Variants in USP31 observed in about 807,000 individuals in gnomAD.
USP31 encodes ubiquitin carboxyl-terminal hydrolase 31.
In USP31, 44 loss-of-function variants were observed where a neutral mutation model predicts 119.4. The observed-to-expected ratio is 0.37, with a 90% CI of 0.29 to 0.47. USP31 has a LOEUF of 0.47. Among genes scored for constraint, USP31 ranks in the 20% least tolerant of loss-of-function variants. The pLI is 0.99. For synonymous variants in USP31, 749 were observed against 705.6 expected (o/e 1.06, Z -0.97); for missense variants, 1,643 against 1,730.2 (o/e 0.95, Z 0.89).
Position 23,064,092 on chromosome 16 carries a change from C to T in USP31, c.*3954G>A, listed in dbSNP as rs1378709386. ...CAGCAAAGTTTGCCTTTCTCAACTA[C>T]AAATAATACAAAGTTCCACGCACCT... On this transcript the variant is annotated 3_prime_UTR_variant, in exon 16 of 16. Transcript: ENST00000219689. The T allele has an allele frequency of 6.6e-6, 1 of 152,622 alleles. No homozygotes were observed. The highest frequency in any genetic ancestry group is 1.5e-5 in the Non-Finnish European group (1 of 68,028). The allele number at this position is 152,622 out of a possible 1,614,324, so 9.5% of individuals were successfully genotyped here. A position where few individuals can be genotyped will look rare whatever the true frequency, so the allele number is the denominator to read the frequency against.
intron 8 of USP31, 33 bp from the exon 9 acceptor site, chr16:23,087,219 AT>A: frequency 1.9e-6 from 3 of 1,595,962 alleles, no homozygotes; most frequent in African/African-American, 1.3e-5. Flanking sequence ...ATTAAGCCAA[AT>A]TTTTCTTCAA....
In USP31 at chr16:23,102,395, T is replaced by C. The variant is rs768536030; in HGVS notation, c.1158A>G (p.Thr386=). The C allele has an allele frequency of 6.2e-7, 1 of 1,613,962 alleles. No individual in the cohort carries two copies. The highest frequency in any genetic ancestry group is 8.5e-7 in the Non-Finnish European group (1 of 1,179,872). ...RSFCDTDDLE[T]VHESDCIFAF... is the part of the protein sequence containing the mutation. ...CAAAAATGCAGTCGCTTTCATGGAC[T>C]GTTTCCAGGTCGTCTGTATCACAAA... Residue 386 remains threonine, a synonymous_variant, in exon 6 of 16, where the codon ACA becomes ACG. Transcript: ENST00000219689.
Position 23,065,021 on chromosome 16 carries a change from C to G in USP31, c.*3025G>C. ...ATGGTCTAAGATGACTGGAGCCTAA[C>G]GGTTTGAGTTTCCACATTATCTAAG... On this transcript the variant is annotated 3_prime_UTR_variant, in exon 16 of 16. Transcript: ENST00000219689. The G allele has an allele frequency of 1.3e-5, 2 of 152,230 alleles. No homozygotes were observed. Among genetic ancestry groups the G allele is most frequent in the Admixed American group, 1.3e-4 (2 of 15,296 alleles). The allele number at this position is 152,230 out of a possible 1,614,324, so 9.4% of individuals were successfully genotyped here.
chr16:23,122,434 T>C (rs1032174037), intron 1 of USP31, among the ~76,000 whole-genome samples: 1 of 152,166 alleles, frequency 6.6e-6, no homozygotes, highest in African/African-American at 2.4e-5. Context: ...ACAGTTACCA[T>C]ATGACCCAGC....
intron 9 of USP31, 102 bp from the exon 10 acceptor site, chr16:23,085,764 G>T: frequency 9.4e-7 from 1 of 1,066,350 alleles, no homozygotes; most frequent in Non-Finnish European, 1.4e-6. Flanking sequence ...AATTTCAGGT[G>T]ATTAATGAAA....
At chr16:23,138,220 T>C (rs900281121) in intron 1 of USP31, among the ~76,000 whole-genome samples, 7 of 152,236 alleles carry the variant, frequency 4.6e-5, no homozygotes, top group African/African-American at 9.6e-5. Flanking sequence ...TGGAGTGTTA[T>C]AACAAATAGA....
At position 23,067,911 on chromosome 16, in the gene USP31, A is replaced by T. The variant is rs905057716; in HGVS notation, c.*135T>A. 3.8e-6 allele frequency: 4 copies of T among 1,047,354 alleles called. No homozygotes were observed. Among genetic ancestry groups the T allele is most frequent in the Non-Finnish European group, 5.4e-6 (4 of 746,144 alleles). The allele number at this position is 1,047,354 out of a possible 1,614,324, so 64.9% of individuals were successfully genotyped here. A position where few individuals can be genotyped will look rare whatever the true frequency, so the allele number is the denominator to read the frequency against. On this transcript the variant is annotated 3_prime_UTR_variant, in exon 16 of 16. Transcript: ENST00000219689. ...TTGAATTAGACACACACACGCATACACTCACACACACACACACAGTCGGGC... is the reference window on the plus strand; with the variant it reads ...TTGAATTAGACACACACACGCATACTCTCACACACACACACACAGTCGGGC...
At chr16:23,092,217 C>T (rs1002309291) in intron 6 of USP31, among the ~76,000 whole-genome samples, 2 of 152,176 alleles carry the variant, frequency 1.3e-5, no homozygotes, top group African/African-American at 4.8e-5. Context: ...CTAACGCAGA[C>T]TCAATAAGGC....
At chr16:23,082,609 T>TTA (rs1163343658) in intron 11 of USP31, 52 bp from the exon 12 acceptor site, 1 of 1,610,898 alleles carries the variant, frequency 6.2e-7, no homozygotes, top group Admixed American at 1.7e-5. Flanking sequence ...CAAGACTGTG[T>TTA]TACAGCTGGA....
chr16:23,068,431 C>A lies in USP31; in HGVS notation c.3674G>T (p.Gly1225Val), dbSNP rs756936297. 2 of 1,613,746 alleles carry A rather than the reference C, an allele frequency of 1.2e-6. No individual in the cohort carries two copies. The highest frequency in any genetic ancestry group is 3.3e-5 in the Admixed American group (2 of 60,026). ...CAAGGCTGATTTGAAGAAGGACAGC[C>A]CCTTGTCCTCAGACTTGCTGTCCCT... ...LKRDSKSEDKGLSFFKSALRQ... is the reference protein window; with the variant it reads ...LKRDSKSEDKVLSFFKSALRQ... Residue 1225 changes from glycine to valine, a missense_variant, in exon 16 of 16, where the codon GGG (glycine) becomes GTG (valine). By Grantham distance (109) the Gly-to-Val change is moderately radical. Around this residue, in one of 5 missense-constraint regions of USP31, gnomAD observed 699 missense variants for 650.9 expected, o/e 1.07. Transcript: ENST00000219689.
chr16:23,074,709 C>A (rs1249219182), intron 13 of USP31, among the ~76,000 whole-genome samples: 3 of 152,140 alleles, frequency 2.0e-5, no homozygotes, highest in Non-Finnish European at 4.4e-5. Context: ...AGCTCATGAA[C>A]GCAGGAGGAC....
rs1406441617 is a variant in USP31, at chr16:23,149,122, G to C, written c.149C>G (p.Ser50Cys). The change falls in exon 1 of 16, where the codon TCC becomes TGC. Residue 50 changes from serine to cysteine, a missense_variant. This residue lies in a region of USP31 where 302 missense variants were observed against 262.6 expected (regional missense o/e 1.15). Coordinates refer to ENST00000219689, the MANE Select transcript of USP31 (RefSeq NM_020718.4). ...TGCAGAGGAGGGCGAGGAGGGCGAG[G>C]AAGGCGCGGCCGGCCCGGACGCCCC... ...GPGASGPAAPSSPSSPSSARS... is the reference protein window; with the variant it reads ...GPGASGPAAPCSPSSPSSARS... 2 of 1,257,968 alleles carry C rather than the reference G, an allele frequency of 1.6e-6. No individual in the cohort carries two copies. Among genetic ancestry groups the C allele is most frequent in the Non-Finnish European group, 1.0e-6 (1 of 978,976 alleles). 77.9% of individuals were successfully genotyped at this position (1,257,968 alleles called of 1,614,324 possible). A position where few individuals can be genotyped will look rare whatever the true frequency, so the allele number is the denominator to read the frequency against.
At position 23,061,552 on chromosome 16, in the gene USP31, GCATA is replaced by G. The variant is rs1257883704; in HGVS notation, c.*6490_*6493del. The stretch of plus-strand genomic sequence containing the variant: ...AATATAAATTCTGCTTCTTAAAAGT[GCATA>G]CACTTTGAATAATAAAACATACAAA... On this transcript the variant is annotated 3_prime_UTR_variant, in exon 16 of 16. Transcript: ENST00000219689. 1 of 152,624 alleles carries G rather than the reference GCATA, an allele frequency of 6.6e-6. No individual in the cohort carries two copies. The highest frequency in any genetic ancestry group is 1.5e-5 in the Non-Finnish European group (1 of 68,044). The allele number at this position is 152,624 out of a possible 1,614,324, so 9.5% of individuals were successfully genotyped here.
intron 1 of USP31, among the ~76,000 whole-genome samples, chr16:23,125,093 G>A (rs1238254916): frequency 6.6e-6 from 1 of 152,158 alleles, no homozygotes; most frequent in Admixed American, 6.5e-5. Flanking sequence ...CAGACCTGCT[G>A]TCACAGGCTG....
chr16:23,086,216 G>T (rs1394761481), intron 9 of USP31, among the ~76,000 whole-genome samples: 2 of 152,038 alleles, frequency 1.3e-5, no homozygotes, highest in African/African-American at 4.8e-5. Context: ...CAATATTTTG[G>T]ATTGTTGTCT....
chr16:23,105,019 T>C (rs1902036099), intron 5 of USP31, among the ~76,000 whole-genome samples: 1 of 152,176 alleles, frequency 6.6e-6, no homozygotes, highest in Admixed American at 6.5e-5. Context: ...CAGAACATTG[T>C]ACTAGCAAGA....
chr16:23,109,676 G>C (rs1457479730), intron 1 of USP31, among the ~76,000 whole-genome samples: 1 of 152,118 alleles, frequency 6.6e-6, no homozygotes, highest in African/African-American at 2.4e-5. Context: ...ACTTCAGAGA[G>C]CTGAGCAAGG....
intron 1 of USP31, among the ~76,000 whole-genome samples, chr16:23,122,883 C>A (rs1404769457): frequency 6.6e-6 from 1 of 152,160 alleles, no homozygotes; most frequent in Non-Finnish European, 1.5e-5. Context: ...AATGTTTGCA[C>A]AACTCCAAGA....
chr16:23,111,523 GA>G (rs1194224862), intron 1 of USP31, among the ~76,000 whole-genome samples: 2 of 152,180 alleles, frequency 1.3e-5, no homozygotes, highest in African/African-American at 2.4e-5. Context: ...GCTCTGAATG[GA>G]AGTTATCTGG....
Sources: allele counts gnomAD v4.1 joint callset (sites outside exome capture counted in the v4.1 genomes callset), GRCh38; gene constraint gnomAD v4.1.1; regional missense constraint gnomAD v4.1.1; transcripts MANE v1.5; gene names NCBI Gene and HGNC (gene_info 2026-07-23, HGNC 2026-07-21).